ADAMTS9: variants seen among roughly 807,000 people sequenced by gnomAD.
ADAMTS9 encodes the protein A disintegrin and metalloproteinase with thrombospondin motifs 9.
A neutral mutation model predicts 257.1 loss-of-function variants in ADAMTS9; 107 were observed. The observed-to-expected ratio is 0.42, with a 90% CI of 0.36 to 0.49. The LOEUF is 0.49. ADAMTS9 is among the 20% of genes least tolerant of loss of function. ADAMTS9 has a pLI of 0.03. For missense variants in ADAMTS9, 2,353 were observed against 2,469.1 expected (o/e 0.95, Z 1.00); for synonymous variants, 982 against 880.9 (o/e 1.11, Z -2.03).
chr3:64,606,454 T>C (rs1408564085), intron 23 of ADAMTS9, among the ~76,000 whole-genome samples: 2 of 152,208 alleles, frequency 1.3e-5, no homozygotes, highest in Non-Finnish European at 2.9e-5. Context: ...ATACGTACAT[T>C]GTATAAGTTA....
At chr3:64,642,189 C>T (rs1700663329) in intron 11 of ADAMTS9, among the ~76,000 whole-genome samples, 196 bp from the exon 12 acceptor site, 1 of 152,164 alleles carries the variant, frequency 6.6e-6, no homozygotes, top group African/African-American at 2.4e-5. Flanking sequence ...CTGGGTCTTC[C>T]TTTACAGCTT....
chr3:64,574,662 G>T (rs1239357662), intron 28 of ADAMTS9, among the ~76,000 whole-genome samples: 6 of 151,932 alleles, frequency 3.9e-5, no homozygotes, highest in Non-Finnish European at 2.9e-5. Flanking sequence ...GAGCCTAGGG[G>T]TTTGGGGTTA....
chr3:64,565,885 A>C (rs986538658), intron 29 of ADAMTS9: 1 of 152,226 alleles, frequency 6.6e-6, no homozygotes, highest in African/African-American at 2.4e-5. Flanking sequence ...TTTTCTTTAC[A>C]AATTCAAGAT....
chr3:64,550,832 C>G (rs1191704744), intron 31 of ADAMTS9, 60 bp downstream of exon 31: 12 of 1,598,292 alleles, frequency 7.5e-6, no homozygotes, highest in Middle Eastern at 1.7e-4. Flanking sequence ...CTCCACTCAT[C>G]CCTCTGCCAC....
At position 64,647,813 on chromosome 3, in the gene ADAMTS9, A is replaced by G. The variant is rs1051619086; in HGVS notation, c.1710+127T>C. ...TCTAACTTCTAAACATCTGTCCTCT[A>G]AAAAATATTATGCAAGCTAAAACAG... On this transcript the variant is annotated intron_variant, in intron 11 of 39. Transcript: ENST00000498707. 3.3e-5 allele frequency: 24 copies of G among 731,912 alleles called. No individual in the cohort carries two copies. The African/African-American group carries it at 4.3e-4, about 13-fold the overall frequency. The allele number at this position is 731,912 out of a possible 1,614,324, so 45.3% of individuals were successfully genotyped here.
chr3:64,602,632 T>A lies in ADAMTS9; in HGVS notation c.3748-419A>T, dbSNP rs374740358. On this transcript the variant is annotated intron_variant, in intron 25 of 39. Coordinates refer to ENST00000498707, the MANE Select transcript of ADAMTS9 (RefSeq NM_182920.2). ...CCTGAACAAGCCAAGAACACTTCCATCTGAGGGACTTCATACCTACTGCAC... is the reference window on the plus strand; with the variant it reads ...CCTGAACAAGCCAAGAACACTTCCAACTGAGGGACTTCATACCTACTGCAC... Among the ~76,000 whole-genome samples the A allele has an allele frequency of 2.0e-3, 297 of 152,296 alleles. 1 individual carries two copies. Among genetic ancestry groups the A allele is most frequent in the African/African-American group, 6.9e-3 (287 of 41,574 alleles).
At position 64,687,003 on chromosome 3, in the gene ADAMTS9, T is replaced by G; in HGVS notation, c.116-35A>C. The G allele has an allele frequency of 6.3e-7, 1 of 1,576,358 alleles. No homozygotes were observed. On this transcript the variant is annotated intron_variant, in intron 1 of 39. Coordinates refer to ENST00000498707, the MANE Select transcript of ADAMTS9 (RefSeq NM_182920.2). The surrounding 1 kb of genome is among the most constrained non-coding windows in gnomAD (Gnocchi z 4.4). ...GAAGCAGAGGTATATGAACCAATAA[T>G]TCATTTTTCCTTAAGCTTTAATTTA...
At chr3:64,656,437 C>G (rs1370621205) in intron 4 of ADAMTS9, among the ~76,000 whole-genome samples, 1 of 152,106 alleles carries the variant, frequency 6.6e-6, no homozygotes, top group Non-Finnish European at 1.5e-5. Context: ...AAACTAAATA[C>G]ACAAATGCAT....
intron 28 of ADAMTS9, chr3:64,589,061 A>G (rs1427916565): frequency 1.3e-5 from 2 of 152,238 alleles, no homozygotes; most frequent in Admixed American, 1.3e-4. Context: ...TAAAAGTATC[A>G]TATTTATAAA....
chr3:64,570,465 T>C (rs1221001919), intron 28 of ADAMTS9, among the ~76,000 whole-genome samples: 1 of 152,032 alleles, frequency 6.6e-6, no homozygotes, highest in Non-Finnish European at 1.5e-5. Context: ...GAGTTTCAAG[T>C]CAGAGTAAGA....
At chr3:64,665,365 A>G (rs552359011) in intron 3 of ADAMTS9, among the ~76,000 whole-genome samples, 15 of 152,310 alleles carry the variant, frequency 9.8e-5, no homozygotes, top group African/African-American at 2.9e-4. Flanking sequence ...GACCTTGGGC[A>G]AATAACTGAC....
At chr3:64,644,871 C>T (rs377338919) in intron 11 of ADAMTS9, among the ~76,000 whole-genome samples, 1 of 152,144 alleles carries the variant, frequency 6.6e-6, no homozygotes, top group Non-Finnish European at 1.5e-5. Flanking sequence ...TTTATCAGAG[C>T]GCTACCATCT....
intron 31 of ADAMTS9, among the ~76,000 whole-genome samples, chr3:64,549,068 T>C (rs938677330): frequency 6.6e-6 from 1 of 152,134 alleles, no homozygotes; most frequent in Non-Finnish European, 1.5e-5. Context: ...AGAGAAGGCA[T>C]GTCTTCTTTT....
intron 32 of ADAMTS9, among the ~76,000 whole-genome samples, chr3:64,543,553 A>G (rs1418663767): frequency 1.3e-5 from 2 of 152,218 alleles, no homozygotes; most frequent in Admixed American, 6.5e-5. Flanking sequence ...AAAGGCCTTC[A>G]ACAAAATTCA....
intron 6 of ADAMTS9, among the ~76,000 whole-genome samples, chr3:64,655,067 A>C (rs190175159): frequency 3.3e-5 from 5 of 152,326 alleles, no homozygotes; most frequent in African/African-American, 7.2e-5. Context: ...TAACATTTTG[A>C]GATAGTAGCT....
At position 64,545,495 on chromosome 3, in the gene ADAMTS9, A is replaced by C. The variant is rs564092779; in HGVS notation, c.5064+1263T>G. ...AAACTGGGAACCATCATTCTCAGCA[A>C]ACTATCACAAGGACAGAAAACCAAA... On this transcript the variant is annotated intron_variant, in intron 32 of 39. Transcript: ENST00000498707. 1.6e-4 allele frequency among the ~76,000 whole-genome samples: 24 copies of C among 152,288 alleles called. No homozygotes were observed. The South Asian group carries it at 4.8e-3, about 30-fold the overall frequency.
intron 16 of ADAMTS9, among the ~76,000 whole-genome samples, chr3:64,630,193 C>T (rs937019787): frequency 6.6e-6 from 1 of 152,150 alleles, no homozygotes; most frequent in African/African-American, 2.4e-5. Flanking sequence ...TGACTCTACT[C>T]TCCATGTCCT....
At chr3:64,542,430 C>CTTTTTTTTTTTTTTTTTTTTT in intron 32 of ADAMTS9, among the ~76,000 whole-genome samples, 1 of 124,564 alleles carries the variant, frequency 8.0e-6, no homozygotes, top group Admixed American at 9.5e-5. Context: ...TTCTTTCTTT[C>CTTTTTTTTTTTTTTTTTTTTT]TTTTTTTTTT....
Position 64,631,375 on chromosome 3 carries a change from T to A in ADAMTS9, c.2389+80A>T, listed in dbSNP as rs574091194. The A allele has an allele frequency of 2.0e-5, 23 of 1,136,916 alleles. No individual in the cohort carries two copies. The South Asian group carries it at 2.7e-4, about 13-fold the overall frequency. 70.4% of individuals were successfully genotyped at this position (1,136,916 alleles called of 1,614,324 possible). A position where few individuals can be genotyped will look rare whatever the true frequency, so the allele number is the denominator to read the frequency against. ...GACATCTGAAAGCTCTGCCTCTGCA[T>A]GCCAGAGAAGGAAGGAAGCAGTATC... On this transcript the variant is annotated intron_variant, in intron 16 of 39. Transcript: ENST00000498707.
Sources: allele counts gnomAD v4.1 joint callset (sites outside exome capture counted in the v4.1 genomes callset), GRCh38; gene constraint gnomAD v4.1.1; non-coding constraint Gnocchi (gnomAD v3.1); transcripts MANE v1.5; gene names NCBI Gene and HGNC (gene_info 2026-07-23, HGNC 2026-07-21).